DAPK1: variants seen among roughly 807,000 people sequenced by gnomAD.
DAPK1 encodes death-associated protein kinase 1.
Under a neutral mutation model 144.9 loss-of-function variants are expected in DAPK1, and 56 were observed. The observed-to-expected ratio is 0.39, with a 90% CI of 0.31 to 0.48. DAPK1 has a LOEUF of 0.48. Ranked by LOEUF, DAPK1 falls within the 20% of genes least tolerant of loss-of-function variation. The probability of loss-of-function intolerance (pLI) is 0.95; values close to 1 mark genes in which losing one functional copy is unlikely to be tolerated. For synonymous variants in DAPK1, 690 were observed against 749.0 expected (o/e 0.92, Z 1.29); for missense variants, 1,454 against 1,875.4 (o/e 0.78, Z 4.15).
chr9:87,510,003 C>T (rs565374290), intron 2 of DAPK1, among the ~76,000 whole-genome samples: 7 of 152,314 alleles, frequency 4.6e-5, no homozygotes, highest in Non-Finnish European at 7.3e-5. Flanking sequence ...ATTTACAGTT[C>T]GCCCATTTAG....
intron 12 of DAPK1, 47 bp downstream of exon 12, chr9:87,646,061 C>G (rs753888313): frequency 6.3e-7 from 1 of 1,590,586 alleles, no homozygotes; most frequent in Non-Finnish European, 8.6e-7. Flanking sequence ...TCACAGCGAC[C>G]TTGCCCTTCC....
intron 3 of DAPK1, among the ~76,000 whole-genome samples, chr9:87,634,056 G>A (rs1293801143): frequency 1.3e-5 from 2 of 152,266 alleles, no homozygotes; most frequent in East Asian, 3.8e-4. Flanking sequence ...TCAGGGATCA[G>A]CAAGTTATGG....
intron 3 of DAPK1, among the ~76,000 whole-genome samples, chr9:87,627,951 C>T (rs1469603250): frequency 1.3e-5 from 2 of 152,138 alleles, no homozygotes; most frequent in Non-Finnish European, 2.9e-5. Context: ...AACTAATATC[C>T]CATTTTCTGG....
In DAPK1 at chr9:87,686,534, T is replaced by A; in HGVS notation, c.2225-17T>A. 6.7e-7 allele frequency: 1 copy of A among 1,482,186 alleles called. No individual in the cohort carries two copies. Among genetic ancestry groups the A allele is most frequent in the Non-Finnish European group, 9.2e-7 (1 of 1,083,280 alleles). The allele number at this position is 1,482,186 out of a possible 1,614,324, so 91.8% of individuals were successfully genotyped here. On this transcript the variant is annotated splice_polypyrimidine_tract_variant and intron_variant, in intron 20 of 25. Transcript: ENST00000408954. The surrounding 1 kb of genome is among the most constrained non-coding windows in gnomAD (Gnocchi z 4.2). ...CTGCCCCCATCGAGTACTCATGTGA[T>A]CCTTTCCATCCTGCAGTCTCAGTGA...
chr9:87,523,297 T>C (rs1015332663), intron 2 of DAPK1, among the ~76,000 whole-genome samples: 2 of 152,142 alleles, frequency 1.3e-5, no homozygotes, highest in Non-Finnish European at 2.9e-5. Flanking sequence ...CCCTTACCGC[T>C]CTGAGTTTAT....
intron 2 of DAPK1, among the ~76,000 whole-genome samples, chr9:87,583,761 TG>T (rs1332810480): frequency 6.6e-6 from 1 of 152,182 alleles, no homozygotes; most frequent in Non-Finnish European, 1.5e-5. Context: ...AGCACCTCCT[TG>T]CCACTGACTA....
At position 87,499,148 on chromosome 9, in the gene DAPK1, G is replaced by C. The variant is rs1251603678; in HGVS notation, c.62+9G>C. ...GGCGAGGAACTTGGCAGGTAAAGGG[G>C]GTACCAGAAGCGTACCCTCCTGGAT... On this transcript the variant is annotated intron_variant, in intron 2 of 25. Coordinates refer to ENST00000408954, the MANE Select transcript of DAPK1 (RefSeq NM_004938.4). The C allele has an allele frequency of 1.2e-6, 2 of 1,612,168 alleles. No homozygotes were observed. Among genetic ancestry groups the C allele is most frequent in the African/African-American group, 1.3e-5 (1 of 74,864 alleles).
At chr9:87,585,854 GA>G (rs1333713091) in intron 2 of DAPK1, among the ~76,000 whole-genome samples, 1 of 152,218 alleles carries the variant, frequency 6.6e-6, no homozygotes, top group Non-Finnish European at 1.5e-5. Context: ...CAAACACTCA[GA>G]AAAGGGCAAA....
At chr9:87,584,586 C>T (rs1401766661) in intron 2 of DAPK1, among the ~76,000 whole-genome samples, 2 of 152,122 alleles carry the variant, frequency 1.3e-5, no homozygotes, top group Non-Finnish European at 2.9e-5. Context: ...TACAAGGGTT[C>T]TCTTTTCTCC....
Position 87,675,894 on chromosome 9 carries a change from CA to C in DAPK1, c.2002-5509del, listed in dbSNP as rs1346353221. ...ACACACACACACACACACACACACACACCCTTATGACCACCTGGAAGGTTCT... is the reference window on the plus strand; with the variant it reads ...ACACACACACACACACACACACACACCCCTTATGACCACCTGGAAGGTTCT... On this transcript the variant is annotated intron_variant, in intron 19 of 25. Coordinates refer to ENST00000408954, the MANE Select transcript of DAPK1 (RefSeq NM_004938.4). Among the ~76,000 whole-genome samples, 70 of 146,114 alleles carry C rather than the reference CA, an allele frequency of 4.8e-4. 1 individual carries two copies. Among genetic ancestry groups the C allele is most frequent in the South Asian group, 1.7e-3 (8 of 4,684 alleles).
intron 18 of DAPK1, among the ~76,000 whole-genome samples, chr9:87,665,045 G>A (rs929324416): frequency 7.9e-5 from 12 of 152,164 alleles, no homozygotes; most frequent in Non-Finnish European, 7.4e-5. Flanking sequence ...GTTTTGACTC[G>A]AGCTTCACCT....
Position 87,686,825 on chromosome 9 carries a change from C to T in DAPK1, c.2413+86C>T, listed in dbSNP as rs1824882788. 7.2e-7 allele frequency: 1 copy of T among 1,381,396 alleles called. No homozygotes were observed. Among genetic ancestry groups the T allele is most frequent in the Non-Finnish European group, 9.8e-7 (1 of 1,021,064 alleles). 85.6% of individuals were successfully genotyped at this position (1,381,396 alleles called of 1,614,324 possible). The stretch of plus-strand genomic sequence containing the variant: ...ATCCCTAAAGGGAGCTTGTCCTGAG[C>T]TGTATCTGTCACTTCCAGAAGGAAA... On this transcript the variant is annotated intron_variant, in intron 21 of 25. Coordinates refer to ENST00000408954, the MANE Select transcript of DAPK1 (RefSeq NM_004938.4). The surrounding 1 kb of genome is among the most constrained non-coding windows in gnomAD (Gnocchi z 4.2).
At chr9:87,550,064 A>T (rs1826419579) in intron 2 of DAPK1, among the ~76,000 whole-genome samples, 1 of 152,192 alleles carries the variant, frequency 6.6e-6, no homozygotes, top group Non-Finnish European at 1.5e-5. Context: ...AGAAGTCCTA[A>T]GCACGTCCTT....
chr9:87,497,818 C>A (rs988487257), upstream of DAPK1: 3 of 382,208 alleles, frequency 7.8e-6, no homozygotes, highest in Non-Finnish European at 9.3e-6. Context: ...CCCCATTGGC[C>A]GCCTGCCGGC....
At chr9:87,627,398 G>A (rs942291650) in intron 3 of DAPK1, among the ~76,000 whole-genome samples, 2 of 152,212 alleles carry the variant, frequency 1.3e-5, no homozygotes, top group African/African-American at 4.8e-5. Context: ...GTCACAGTAG[G>A]TAGGCGGTGT....
chr9:87,609,294 A>C (rs1156585400), intron 3 of DAPK1, among the ~76,000 whole-genome samples: 1 of 152,202 alleles, frequency 6.6e-6, no homozygotes, highest in Non-Finnish European at 1.5e-5. Context: ...CAGCTTCCAT[A>C]ATAATGTGAG....
chr9:87,630,706 G>C (rs543289029), intron 3 of DAPK1, among the ~76,000 whole-genome samples: 1 of 152,254 alleles, frequency 6.6e-6, no homozygotes, highest in Non-Finnish European at 1.5e-5. Flanking sequence ...AGTATGGTGG[G>C]AACACAACCG....
intron 2 of DAPK1, among the ~76,000 whole-genome samples, chr9:87,552,448 G>A (rs528904603): frequency 1.3e-5 from 2 of 152,316 alleles, no homozygotes; most frequent in African/African-American, 4.8e-5. Flanking sequence ...GTACATTAGA[G>A]CTGTGAAACT....
chr9:87,501,567 A>G (rs1425348663), intron 2 of DAPK1, among the ~76,000 whole-genome samples: 1 of 152,016 alleles, frequency 6.6e-6, no homozygotes, highest in African/African-American at 2.4e-5. Context: ...AAGAAAAAAA[A>G]GACTTTACTT....
Sources: gnomAD v4.1 joint callset for allele counts (sites outside exome capture counted in the v4.1 genomes callset) on GRCh38, gnomAD v4.1.1 for gene constraint, Gnocchi (gnomAD v3.1) non-coding constraint, MANE v1.5 for transcripts, NCBI Gene and HGNC (gene_info 2026-07-23, HGNC 2026-07-21) for gene names.